Variants in PCSK2 observed in about 807,000 individuals in gnomAD.
PCSK2 encodes proprotein convertase subtilisin/kexin type 2, also known as neuroendocrine convertase 2.
Under a neutral mutation model 69.7 loss-of-function variants are expected in PCSK2, and 14 were observed. The observed-to-expected ratio is 0.20, with a 90% CI of 0.13 to 0.31. The LOEUF (loss-of-function observed/expected upper bound fraction) is 0.31, where lower values mean the gene tolerates loss of function less well. PCSK2 is among the 10% of genes least tolerant of loss of function. The pLI, the probability that PCSK2 is intolerant of heterozygous loss-of-function variation, is 1.00. For missense variants in PCSK2, 544 were observed against 842.5 expected (o/e 0.65, Z 4.39); for synonymous variants, 307 against 320.7 (o/e 0.96, Z 0.46).
chr20:17,269,724 C>T (rs746457309), intron 2 of PCSK2, among the ~76,000 whole-genome samples: 16 of 152,192 alleles, frequency 1.1e-4, no homozygotes, highest in Admixed American at 7.9e-4. Flanking sequence ...GCCAAGACCG[C>T]GTTCTGCAAG....
intron 2 of PCSK2, among the ~76,000 whole-genome samples, chr20:17,344,019 G>GAA (rs1990581590): frequency 6.6e-6 from 1 of 152,330 alleles, no homozygotes; most frequent in Admixed American, 6.5e-5. Flanking sequence ...ACTGCAGGAT[G>GAA]AAAAGCCACT....
At chr20:17,426,180 T>A (rs113464393) in intron 6 of PCSK2, among the ~76,000 whole-genome samples, 5 of 152,256 alleles carry the variant, frequency 3.3e-5, no homozygotes, top group African/African-American at 1.2e-4. Flanking sequence ...ATGGGGTCAG[T>A]TTCCCCCATG....
At chr20:17,394,590 T>C (rs2031467074) in intron 5 of PCSK2, among the ~76,000 whole-genome samples, 1 of 152,124 alleles carries the variant, frequency 6.6e-6, no homozygotes, top group Non-Finnish European at 1.5e-5. Flanking sequence ...GCCACGAATG[T>C]TGGTGGTAGC....
intron 2 of PCSK2, among the ~76,000 whole-genome samples, chr20:17,275,105 A>G (rs1159012392): frequency 4.7e-5 from 7 of 147,390 alleles, no homozygotes; most frequent in Non-Finnish European, 1.0e-4. Flanking sequence ...ATATATATAT[A>G]TATATATAAT....
intron 1 of PCSK2, among the ~76,000 whole-genome samples, chr20:17,234,358 A>T (rs78422616): frequency 4.8e-4 from 73 of 152,342 alleles, no homozygotes; most frequent in African/African-American, 1.7e-3. Context: ...GTGCTCCTTG[A>T]CTATGACTAC....
At chr20:17,468,680 G>A (rs184918772) in intron 11 of PCSK2, among the ~76,000 whole-genome samples, 1 of 147,168 alleles carries the variant, frequency 6.8e-6, no homozygotes, top group African/African-American at 2.5e-5. Flanking sequence ...GTGTCCTCCT[G>A]TAGACGGGCA....
chr20:17,420,071 CA>C, intron 6 of PCSK2, among the ~76,000 whole-genome samples: 1 of 152,216 alleles, frequency 6.6e-6, no homozygotes, highest in East Asian at 1.9e-4. Context: ...CTTTGTGAGC[CA>C]ATGTGATTGA....
At chr20:17,398,271 T>C (rs2031558231) in intron 5 of PCSK2, among the ~76,000 whole-genome samples, 3 of 152,052 alleles carry the variant, frequency 2.0e-5, no homozygotes, top group African/African-American at 7.2e-5. Context: ...ATGCCTGCAA[T>C]CCCAATACTT....
intron 1 of PCSK2, among the ~76,000 whole-genome samples, chr20:17,254,970 G>T (rs993354920): frequency 2.6e-5 from 4 of 152,060 alleles, no homozygotes; most frequent in Non-Finnish European, 5.9e-5. Flanking sequence ...TGCTTGGATT[G>T]TTCATTGCTT....
chr20:17,250,464 T>C (rs1386426151), intron 1 of PCSK2, among the ~76,000 whole-genome samples: 2 of 152,186 alleles, frequency 1.3e-5, no homozygotes, highest in Non-Finnish European at 2.9e-5. Flanking sequence ...CTTAGATCGC[T>C]TGGGTAAAGT....
chr20:17,438,671 T>C (rs2032534582), intron 8 of PCSK2, among the ~76,000 whole-genome samples: 1 of 152,198 alleles, frequency 6.6e-6, no homozygotes, highest in African/African-American at 2.4e-5. Flanking sequence ...GAGTGTTGGC[T>C]GCTGATGGCT....
chr20:17,331,145 C>A (rs1267020369), intron 2 of PCSK2, among the ~76,000 whole-genome samples: 1 of 152,100 alleles, frequency 6.6e-6, no homozygotes, highest in Admixed American at 6.5e-5. Context: ...CTAAAGGTAG[C>A]GCTCCTGACT....
rs1046722888 is a variant in PCSK2, at chr20:17,260,191, G to T, written c.178-49G>T. 5 of 1,247,798 alleles carry T rather than the reference G, an allele frequency of 4.0e-6. No individual in the cohort carries two copies. The African/African-American group carries it at 4.4e-5, about 11-fold the overall frequency. 77.3% of individuals were successfully genotyped at this position (1,247,798 alleles called of 1,614,324 possible). ...CCCAGCTTTGGTGTCCCTGTCCCTG[G>T]GCCAACCCCAGAAGCTAACTATGCC... On this transcript the variant is annotated intron_variant, in intron 1 of 11. Transcript: ENST00000262545.
intron 5 of PCSK2, among the ~76,000 whole-genome samples, chr20:17,385,732 G>T (rs534630215): frequency 6.6e-6 from 1 of 152,282 alleles, no homozygotes; most frequent in Admixed American, 6.5e-5. Context: ...CACAGGTAGG[G>T]GAGCAGGGGA....
Position 17,341,622 on chromosome 20 carries a change from T to C in PCSK2, c.283-16705T>C, listed in dbSNP as rs141311392. ...CTACACTACTTAGCAGCAATTCTTT[T>C]GAATTCTAGCAGCAGATGGACTATG... is the stretch of plus-strand genomic sequence containing the variant. On this transcript the variant is annotated intron_variant, in intron 2 of 11. Coordinates refer to ENST00000262545, the MANE Select transcript of PCSK2 (RefSeq NM_002594.5). Among the ~76,000 whole-genome samples the C allele has an allele frequency of 4.4e-3, 665 of 152,346 alleles. 6 individuals carry two copies. Among genetic ancestry groups the C allele is most frequent in the African/African-American group, 0.015 (629 of 41,580 alleles).
At chr20:17,437,683 CCA>C (rs1236644282) in intron 8 of PCSK2, among the ~76,000 whole-genome samples, 1 of 151,822 alleles carries the variant, frequency 6.6e-6, no homozygotes, top group Non-Finnish European at 1.5e-5. Context: ...AGAATTTGTC[CCA>C]GTCTCGACTG....
Position 17,259,967 on chromosome 20 carries a change from A to G in PCSK2, c.178-273A>G, listed in dbSNP as rs545976257. Among the ~76,000 whole-genome samples the G allele has an allele frequency of 1.4e-4, 22 of 152,298 alleles. 1 individual carries two copies. In the South Asian group the frequency reaches 4.6e-3, roughly 32 times the overall value. ...CTCCATGGAAAAGGAAAGGGAATCA[A>G]AGGATGTGCAGAAAGTTAAAAAATG... On this transcript the variant is annotated intron_variant, in intron 1 of 11. Transcript: ENST00000262545.
intron 6 of PCSK2, among the ~76,000 whole-genome samples, chr20:17,420,311 G>T (rs2032093309): frequency 6.6e-6 from 1 of 152,092 alleles, no homozygotes; most frequent in Admixed American, 6.5e-5. Flanking sequence ...ATGTCTTTAT[G>T]AACTAATTCT....
At chr20:17,426,280 C>T (rs2032246980) in intron 6 of PCSK2, among the ~76,000 whole-genome samples, 2 of 152,178 alleles carry the variant, frequency 1.3e-5, no homozygotes, top group South Asian at 4.1e-4. Context: ...TTACTCCTTC[C>T]TGCCACCCTG....
Sources: allele counts gnomAD v4.1 joint callset (sites outside exome capture counted in the v4.1 genomes callset), GRCh38; gene constraint gnomAD v4.1.1; transcripts MANE v1.5; gene names NCBI Gene and HGNC (gene_info 2026-07-23, HGNC 2026-07-21).